GIPR: variants seen among roughly 807,000 people sequenced by gnomAD.
GIPR encodes gastric inhibitory polypeptide receptor.
Under a neutral mutation model 62.2 loss-of-function variants are expected in GIPR, and 74 were observed. The ratio of observed to expected loss-of-function variants is 1.19; its 90% CI spans 0.99 to 1.44. GIPR has a LOEUF of 1.44. Among genes scored for constraint, GIPR ranks in the 40% most tolerant of loss-of-function variants. The pLI is 0.00. For missense variants in GIPR, 664 were observed against 611.8 expected, an observed-to-expected ratio of 1.09 and a Z score of -0.90; for synonymous variants, 256 against 262.2, an observed-to-expected ratio of 0.98 and a Z score of 0.23.
At position 45,682,072 on chromosome 19, in the gene GIPR, T is replaced by C. The variant is rs1967277873; in HGVS notation, c.*137T>C. 1.4e-6 allele frequency: 1 copy of C among 727,816 alleles called. No homozygotes were observed. Among genetic ancestry groups the C allele is most frequent in the African/African-American group, 1.8e-5 (1 of 55,666 alleles). The allele number at this position is 727,816 out of a possible 1,614,324, so 45.1% of individuals were successfully genotyped here. A position where few individuals can be genotyped will look rare whatever the true frequency, so the allele number is the denominator to read the frequency against. On this transcript the variant is annotated 3_prime_UTR_variant, in exon 14 of 14. Transcript: ENST00000590918. ...TCCCTGCCCTTCTGGAGATGACAAC[T>C]GAGTGGGGAAAACAGACCGTGAACA...
chr19:45,676,873 G>C (rs891748953), intron 7 of GIPR, 76 bp from the exon 8 acceptor site: 14 of 1,326,034 alleles, frequency 1.1e-5, no homozygotes, highest in Middle Eastern at 1.9e-4. Context: ...GGGTGGAAGG[G>C]CGATCAAAGC....
In GIPR at chr19:45,682,150, A is replaced by AG. The variant is rs1287745345; in HGVS notation, c.*220dup. ...GGAATGGTTATGAAGGGAAGCGAGA[A>AG]GGGGGCCTAGGGTGGTCTGGGAGGC... is the stretch of plus-strand genomic sequence containing the variant. On this transcript the variant is annotated 3_prime_UTR_variant, in exon 14 of 14. Transcript: ENST00000590918. 2.0e-4 allele frequency: 114 copies of AG among 578,768 alleles called. No homozygotes were observed. In the East Asian group the frequency reaches 3.2e-3, roughly 16 times the overall value. 35.9% of individuals were successfully genotyped at this position (578,768 alleles called of 1,614,324 possible). A position where few individuals can be genotyped will look rare whatever the true frequency, so the allele number is the denominator to read the frequency against.
Position 45,672,955 on chromosome 19 carries a change from G to T in GIPR, c.384+1G>T. 6.5e-7 allele frequency: 1 copy of T among 1,539,674 alleles called. No homozygotes were observed. The highest frequency in any genetic ancestry group is 1.1e-5 in the South Asian group (1 of 89,694). ...CCCAGAGAAGAATGAGGCCTTTCTG[G>T]TAAGAAGAGGTGAGGGCTTCAGGTT... On this transcript the variant is annotated splice_donor_variant, in intron 5 of 13. Coordinates refer to ENST00000590918, the MANE Select transcript of GIPR (RefSeq NM_000164.4). LOFTEE classifies it high-confidence loss of function.
intron 4 of GIPR, among the ~76,000 whole-genome samples, chr19:45,671,790 A>T (rs563900546): frequency 0.068 from 9,100 of 134,332 alleles, 950 homozygotes; most frequent in African/African-American, 0.24. Flanking sequence ...TTTTTTTTAT[A>T]TATATATTTT....
intron 6 of GIPR, 99 bp from the exon 7 acceptor site, chr19:45,674,583 G>A: frequency 1.9e-6 from 2 of 1,064,496 alleles, no homozygotes; most frequent in South Asian, 1.3e-5. Context: ...TTCTAGCCTG[G>A]GTGACAGAGT....
chr19:45,682,003 G>A lies in GIPR; in HGVS notation c.*68G>A. The A allele has an allele frequency of 2.3e-6, 3 of 1,313,938 alleles. No individual in the cohort carries two copies. The highest frequency in any genetic ancestry group is 2.5e-5 in the East Asian group (1 of 39,584). 81.4% of individuals were successfully genotyped at this position (1,313,938 alleles called of 1,614,324 possible). A position where few individuals can be genotyped will look rare whatever the true frequency, so the allele number is the denominator to read the frequency against. On this transcript the variant is annotated 3_prime_UTR_variant, in exon 14 of 14. Coordinates refer to ENST00000590918, the MANE Select transcript of GIPR (RefSeq NM_000164.4). The stretch of plus-strand genomic sequence containing the variant: ...GAGTGCCAACTGCGTGCCAGGCCCA[G>A]TACGGAGGACGCTGGGGAAATGGTG...
Position 45,677,779 on chromosome 19 carries a change from G to T in GIPR, c.924G>T (p.Leu308Phe). The part of the protein sequence containing the change: ...IIRTPILMTI[L>F]INFLIFIRIL... ...GGACCCCCATCCTCATGACCATCTT[G>T]GTAGGATCGGTCCCGCCTCCACCAG... is the stretch of plus-strand genomic sequence containing the variant. Residue 308 changes from leucine to phenylalanine, a missense_variant and splice_region_variant, in exon 10 of 14, where the codon TTG (leucine) becomes TTT (phenylalanine). Leu to Phe is a conservative substitution (Grantham distance 22). Coordinates refer to ENST00000590918, the MANE Select transcript of GIPR (RefSeq NM_000164.4). 1 of 1,612,146 alleles carries T rather than the reference G, an allele frequency of 6.2e-7. No individual in the cohort carries two copies. The highest frequency in any genetic ancestry group is 8.5e-7 in the Non-Finnish European group (1 of 1,178,234).
rs1199573424 is a variant in GIPR at position 45,676,456 on chromosome 19, C to T, written c.634-493C>T. Among the ~76,000 whole-genome samples, 5 of 84,098 alleles carry T rather than the reference C, an allele frequency of 5.9e-5. 1 individual carries two copies. Among genetic ancestry groups the T allele is most frequent in the African/African-American group, 1.4e-4 (3 of 20,978 alleles). The allele number at this position is 84,098 out of a possible 152,430, so 55.2% of individuals were successfully genotyped here. A position where few individuals can be genotyped will look rare whatever the true frequency, so the allele number is the denominator to read the frequency against. ...TTTTTTTTTTTTTTTTTTTTTGAGA[C>T]GGAGTCTCCCTCTGTCGCTCAGGCT... On this transcript the variant is annotated intron_variant, in intron 7 of 13. Transcript: ENST00000590918.
In GIPR at chr19:45,676,945, C is replaced by A; in HGVS notation, c.634-4C>A. The A allele has an allele frequency of 3.1e-6, 5 of 1,613,758 alleles. No individual in the cohort carries two copies. Among genetic ancestry groups the A allele is most frequent in the Non-Finnish European group, 4.2e-6 (5 of 1,179,922 alleles). On this transcript the variant is annotated splice_polypyrimidine_tract_variant and splice_region_variant and intron_variant, in intron 7 of 13. Coordinates refer to ENST00000590918, the MANE Select transcript of GIPR (RefSeq NM_000164.4). ...ACCCCTCTACCGGTCTGGCCCCTCC[C>A]TAGGCCCTCGCTGCCTGCCGCACGG...
chr19:45,671,367 C>T lies in GIPR; in HGVS notation c.255C>T (p.Pro85=), dbSNP rs1261799511. ...ATGCCACTGCCCGTGCGTCCTGCCC[C>T]TGGTACCTGCCCTGGCACCACCATG... ...APNATARASC[P]WYLPWHHHVA... is the part of the protein sequence containing the mutation. The change falls in exon 4 of 14, where the codon CCC becomes CCT. Residue 85 remains proline, a synonymous_variant. Transcript: ENST00000590918. 6.2e-7 allele frequency: 1 copy of T among 1,610,342 alleles called. No homozygotes were observed. Among genetic ancestry groups the T allele is most frequent in the African/African-American group, 1.3e-5 (1 of 74,898 alleles).
intron 12 of GIPR, chr19:45,678,478 C>T: frequency 1.8e-6 from 1 of 556,250 alleles, no homozygotes; most frequent in Non-Finnish European, 3.2e-6. Context: ...ATTCTCCTGC[C>T]TCAGCCTCTA....
intron 4 of GIPR, chr19:45,672,568 G>A (rs1482754715): frequency 2.6e-6 from 1 of 379,162 alleles, no homozygotes; most frequent in Non-Finnish European, 5.1e-6. Flanking sequence ...GCCTCCCAAA[G>A]TGCTGGGATT....
At position 45,681,717 on chromosome 19, in the gene GIPR, A is replaced by G. The variant is rs759766980; in HGVS notation, c.1195-12A>G. 1.8e-5 allele frequency: 29 copies of G among 1,611,362 alleles called. No homozygotes were observed. Among genetic ancestry groups the G allele is most frequent in the East Asian group, 4.5e-5 (2 of 44,830 alleles). ...GGGTACGGCGCCGCCTCTGAGCGCC[A>G]TCGTCTCACAGGTGCAGTCGGAGAT... On this transcript the variant is annotated splice_polypyrimidine_tract_variant and intron_variant, in intron 13 of 13. Transcript: ENST00000590918.
In GIPR at chr19:45,674,137, G is replaced by T. The variant is rs191937467; in HGVS notation, c.448G>T (p.Ala150Ser). The part of the protein sequence containing the change: ...MYTVGYSLSL[A>S]TLLLALLILS... ...CACTGTCGGCTACTCCCTGTCTCTCGCCACACTGCTGCTAGCCCTGCTCAT... is the reference window on the plus strand; with the variant it reads ...CACTGTCGGCTACTCCCTGTCTCTCTCCACACTGCTGCTAGCCCTGCTCAT... Residue 150 changes from alanine (A) to serine (S), a missense_variant, in exon 6 of 14, where the codon GCC (alanine) becomes TCC (serine). By Grantham distance (99) the Ala-to-Ser change is moderately conservative. Coordinates refer to ENST00000590918, the MANE Select transcript of GIPR (RefSeq NM_000164.4). The T allele has an allele frequency of 2.5e-6, 4 of 1,613,438 alleles. No homozygotes were observed. Among genetic ancestry groups the T allele is most frequent in the Admixed American group, 1.7e-5 (1 of 59,968 alleles).
In GIPR at chr19:45,669,493, A is replaced by G. The variant is rs955604180; in HGVS notation, c.-28A>G. ...ACCCTCCAGGCCTGATCGCCCCTGC[A>G]CGAACCAGACCCTTCGCCGCCCTCA... On this transcript the variant is annotated 5_prime_UTR_variant, in exon 2 of 14. Coordinates refer to ENST00000590918, the MANE Select transcript of GIPR (RefSeq NM_000164.4). 4.5e-6 allele frequency: 7 copies of G among 1,560,698 alleles called. No individual in the cohort carries two copies. The African/African-American group carries it at 9.5e-5, about 21-fold the overall frequency.
intron 5 of GIPR, among the ~76,000 whole-genome samples, chr19:45,673,472 G>A (rs1975657367): frequency 1.3e-5 from 2 of 150,770 alleles, no homozygotes; most frequent in African/African-American, 4.9e-5. Flanking sequence ...AAGGTCAATG[G>A]CTCATGCCTA....
chr19:45,669,668 G>C, intron 2 of GIPR, 76 bp downstream of exon 2: 1 of 1,521,760 alleles, frequency 6.6e-7, no homozygotes, highest in East Asian at 2.5e-5. Flanking sequence ...TCCGTCGTCA[G>C]GGCGCTGTCG....
Position 45,683,474 on chromosome 19 carries a change from C to T in GIPR, c.*1539C>T, listed in dbSNP as rs1321601224. ...TCTCATTGTGGCTGGACCACCTGTA[C>T]ATACACCCACAAGACCCTCACCCCT... On this transcript the variant is annotated 3_prime_UTR_variant, in exon 14 of 14. Coordinates refer to ENST00000590918, the MANE Select transcript of GIPR (RefSeq NM_000164.4). 1 of 152,306 alleles carries T rather than the reference C, an allele frequency of 6.6e-6. No individual in the cohort carries two copies. The highest frequency in any genetic ancestry group is 2.4e-5 in the African/African-American group (1 of 41,446). The allele number at this position is 152,306 out of a possible 1,614,324, so 9.4% of individuals were successfully genotyped here. A position where few individuals can be genotyped will look rare whatever the true frequency, so the allele number is the denominator to read the frequency against.
rs74354887 is a variant in GIPR at position 45,679,098 on chromosome 19, C to T, written c.1152+872C>T. 3.9e-5 allele frequency among the ~76,000 whole-genome samples: 6 copies of T among 152,250 alleles called. No individual in the cohort carries two copies. The East Asian group carries it at 1.2e-3, about 29-fold the overall frequency. ...TTACTGAGCATGTGTATATGCTAAG[C>T]ACTCCTCCAGGCTTATCACAGGAAT... On this transcript the variant is annotated intron_variant, in intron 12 of 13. Transcript: ENST00000590918.
Sources: gnomAD v4.1 joint callset for allele counts (sites outside exome capture counted in the v4.1 genomes callset) on GRCh38, gnomAD v4.1.1 for gene constraint, MANE v1.5 for transcripts, NCBI Gene and HGNC (gene_info 2026-07-23, HGNC 2026-07-21) for gene names.